Variants in FMN1 observed in about 807,000 individuals in gnomAD.
FMN1 encodes the protein formin 1.
A neutral mutation model predicts 132.4 loss-of-function variants in FMN1; 110 were observed. That is an observed-to-expected ratio of 0.83 (90% confidence interval 0.71 to 0.97). The LOEUF (loss-of-function observed/expected upper bound fraction) is 0.97, where lower values mean the gene tolerates loss of function less well. FMN1 is among the 50% of genes least tolerant of loss of function. The probability of loss-of-function intolerance (pLI) is 0.00; values close to 1 mark genes in which losing one functional copy is unlikely to be tolerated. For missense variants in FMN1, 1,792 were observed against 1,705.3 expected, an observed-to-expected ratio of 1.05 and a Z score of -0.90; for synonymous variants, 722 against 651.7, an observed-to-expected ratio of 1.11 and a Z score of -1.64.
intron 6 of FMN1, among the ~76,000 whole-genome samples, chr15:33,013,904 A>C (rs2034884797): frequency 6.6e-6 from 1 of 152,220 alleles, no homozygotes; most frequent in Non-Finnish European, 1.5e-5. Flanking sequence ...GCAATGATTC[A>C]TTTTGTGTAA....
intron 7 of FMN1, among the ~76,000 whole-genome samples, chr15:32,982,637 C>T (rs1368289482): frequency 6.6e-5 from 10 of 152,120 alleles, no homozygotes; most frequent in Admixed American, 5.9e-4. Flanking sequence ...AAGCAGATTG[C>T]CCTCCCTAAT....
At chr15:32,992,118 T>C (rs1045984303) in intron 7 of FMN1, among the ~76,000 whole-genome samples, 1 of 152,164 alleles carries the variant, frequency 6.6e-6, no homozygotes, top group African/African-American at 2.4e-5. Context: ...TGTAATGCAA[T>C]CTTGTTTTCT....
intron 4 of FMN1, among the ~76,000 whole-genome samples, chr15:33,128,698 C>G (rs113231449): frequency 0.014 from 2,122 of 152,280 alleles, 48 homozygotes; most frequent in African/African-American, 0.049. Flanking sequence ...ACGAATAAAC[C>G]CGCGGACCCT....
intron 17 of FMN1, among the ~76,000 whole-genome samples, chr15:32,846,275 AG>A (rs1431045887): frequency 6.6e-6 from 1 of 152,240 alleles, no homozygotes; most frequent in African/African-American, 2.4e-5. Context: ...AAAAGAAACT[AG>A]CATCAGAGTG....
intron 6 of FMN1, among the ~76,000 whole-genome samples, chr15:33,017,951 G>A (rs2035159319): frequency 2.0e-5 from 3 of 152,164 alleles, no homozygotes; most frequent in Admixed American, 6.5e-5. Context: ...TGTAATCCCA[G>A]CTACTCGGGG....
At chr15:32,868,955 G>A (rs1462440520) in intron 16 of FMN1, among the ~76,000 whole-genome samples, 1 of 152,156 alleles carries the variant, frequency 6.6e-6, no homozygotes, top group Non-Finnish European at 1.5e-5. Flanking sequence ...GTGATGGAAC[G>A]CTGGGTATAG....
At chr15:33,050,088 C>G (rs2036897781) in intron 6 of FMN1, among the ~76,000 whole-genome samples, 1 of 152,204 alleles carries the variant, frequency 6.6e-6, no homozygotes, top group Non-Finnish European at 1.5e-5. Flanking sequence ...TTCAATGATT[C>G]TGCCCAACTG....
intron 9 of FMN1, among the ~76,000 whole-genome samples, chr15:32,958,549 TATA>T (rs2030101858): frequency 6.6e-6 from 1 of 150,554 alleles, no homozygotes; most frequent in African/African-American, 2.5e-5. Context: ...TTTGAGAAGA[TATA>T]CATACATACA....
chr15:32,786,413 A>C (rs951047412), intron 19 of FMN1, among the ~76,000 whole-genome samples: 5 of 152,196 alleles, frequency 3.3e-5, no homozygotes, highest in Non-Finnish European at 7.4e-5. Flanking sequence ...TTGCTCTACC[A>C]GTCATTATCA....
chr15:33,026,506 T>G (rs1341693379), intron 6 of FMN1, among the ~76,000 whole-genome samples: 1 of 151,732 alleles, frequency 6.6e-6, no homozygotes, highest in African/African-American at 2.4e-5. Context: ...TCAAACAGAA[T>G]GTACACTCAA....
At chr15:33,025,659 T>C (rs991791758) in intron 6 of FMN1, among the ~76,000 whole-genome samples, 2 of 152,206 alleles carry the variant, frequency 1.3e-5, no homozygotes, top group Non-Finnish European at 2.9e-5. Context: ...GTAGGAACTA[T>C]ATATTATCTG....
intron 16 of FMN1, among the ~76,000 whole-genome samples, chr15:32,871,985 T>G (rs2059526364): frequency 6.6e-6 from 1 of 151,626 alleles, no homozygotes; most frequent in Admixed American, 6.6e-5. Flanking sequence ...GATATAGAAA[T>G]TGGGGATTAA....
At chr15:32,845,621 C>T (rs2058837767) in intron 17 of FMN1, among the ~76,000 whole-genome samples, 1 of 152,088 alleles carries the variant, frequency 6.6e-6, no homozygotes, top group Non-Finnish European at 1.5e-5. Context: ...CCCTCAGACT[C>T]AGTTTTCTTA....
intron 7 of FMN1, among the ~76,000 whole-genome samples, chr15:32,981,263 G>A (rs1056446684): frequency 9.9e-5 from 15 of 151,910 alleles, no homozygotes; most frequent in Non-Finnish European, 1.6e-4. Context: ...AGGCGGAGGC[G>A]GGTGGATCAT....
intron 19 of FMN1, among the ~76,000 whole-genome samples, chr15:32,779,766 A>T (rs752184836): frequency 1.3e-5 from 2 of 152,206 alleles, no homozygotes; most frequent in Non-Finnish European, 2.9e-5. Flanking sequence ...ACTCTGTGAG[A>T]TAGGAACTTC....
At chr15:33,159,902 T>C (rs1054031280) in intron 3 of FMN1, among the ~76,000 whole-genome samples, 5 of 152,216 alleles carry the variant, frequency 3.3e-5, no homozygotes, top group Admixed American at 1.3e-4. Flanking sequence ...CCAAGATGTA[T>C]GGGGGAAAAC....
chr15:32,848,515 T>C (rs1487406461), intron 17 of FMN1, among the ~76,000 whole-genome samples: 1 of 152,212 alleles, frequency 6.6e-6, no homozygotes, highest in East Asian at 1.9e-4. Context: ...TAGATCTTGC[T>C]TGATAAGGGA....
intron 4 of FMN1, chr15:33,149,927 A>G: frequency 1.0e-6 from 1 of 984,932 alleles, no homozygotes; most frequent in Non-Finnish European, 1.2e-6. Flanking sequence ...AATAAAATTT[A>G]TTTCATGTAT....
chr15:33,105,266 A>C (rs2039441318), intron 4 of FMN1, among the ~76,000 whole-genome samples: 1 of 152,090 alleles, frequency 6.6e-6, no homozygotes, highest in African/African-American at 2.4e-5. Context: ...ATTAGAAACA[A>C]AGACTTTCCT....
Sources: allele counts gnomAD v4.1 joint callset (sites outside exome capture counted in the v4.1 genomes callset), GRCh38; gene constraint gnomAD v4.1.1; transcripts MANE v1.5; gene names NCBI Gene and HGNC (gene_info 2026-07-23, HGNC 2026-07-21).